Variants in MAGI2 observed in about 807,000 individuals in gnomAD.
The protein encoded by MAGI2 is membrane associated guanylate kinase, WW and PDZ domain containing 2.
Under a neutral mutation model 133.3 loss-of-function variants are expected in MAGI2, and 35 were observed. The observed-to-expected ratio is 0.26, with a 90% CI of 0.20 to 0.35. The LOEUF is 0.35. MAGI2 is among the 10% of genes least tolerant of loss of function. The pLI is 1.00. For missense variants in MAGI2, 1,636 were observed against 1,863.4 expected, an observed-to-expected ratio of 0.88 and a Z score of 2.25; for synonymous variants, 729 against 710.6, an observed-to-expected ratio of 1.03 and a Z score of -0.41.
At chr7:78,611,997 A>G (rs990255851) in intron 3 of MAGI2, among the ~76,000 whole-genome samples, 21 of 152,144 alleles carry the variant, frequency 1.4e-4, no homozygotes, top group Admixed American at 1.0e-3. Flanking sequence ...TCCAAATTTG[A>G]TACCACTGTT....
chr7:78,449,138 G>A (rs1788457711), intron 6 of MAGI2, among the ~76,000 whole-genome samples: 1 of 151,950 alleles, frequency 6.6e-6, no homozygotes, highest in Non-Finnish European at 1.5e-5. Flanking sequence ...ACTATCATTG[G>A]CACCTTGCTT....
intron 3 of MAGI2, among the ~76,000 whole-genome samples, chr7:78,573,314 A>ATATATATATT (rs1563189204): frequency 3.6e-4 from 17 of 47,762 alleles, no homozygotes; most frequent in African/African-American, 1.3e-3. Context: ...ATATATATAA[A>ATATATATATT]TATATAAATA....
intron 2 of MAGI2, among the ~76,000 whole-genome samples, chr7:78,703,335 T>G (rs1023576320): frequency 5.9e-5 from 9 of 152,080 alleles, no homozygotes; most frequent in Non-Finnish European, 2.9e-5. Context: ...AATTCCAAGT[T>G]GTATCTAGTT....
At chr7:79,115,924 C>A (rs536550958) in intron 1 of MAGI2, among the ~76,000 whole-genome samples, 1 of 130,530 alleles carries the variant, frequency 7.7e-6, no homozygotes, top group South Asian at 2.5e-4. Flanking sequence ...GATCTACTTG[C>A]AGGTCTTAAC....
chr7:78,737,861 T>C (rs982242517), intron 2 of MAGI2, among the ~76,000 whole-genome samples: 6 of 152,106 alleles, frequency 3.9e-5, no homozygotes, highest in Admixed American at 2.6e-4. Context: ...TTTGGGGTCC[T>C]CATAATTTTT....
intron 2 of MAGI2, among the ~76,000 whole-genome samples, chr7:78,706,147 TC>T (rs34897938): frequency 0.09 from 13,666 of 151,336 alleles, 1,009 homozygotes; most frequent in East Asian, 0.42. Flanking sequence ...TTTGGCTGTG[TC>T]CCCCCCCAAA....
intron 1 of MAGI2, among the ~76,000 whole-genome samples, chr7:79,323,024 G>T (rs1323978270): frequency 6.6e-6 from 1 of 152,012 alleles, no homozygotes; most frequent in Non-Finnish European, 1.5e-5. Context: ...TTTTTGTAGT[G>T]ACAGGGTCTC....
At chr7:78,026,449 A>G (rs1313582474) in intron 21 of MAGI2, among the ~76,000 whole-genome samples, 1 of 152,220 alleles carries the variant, frequency 6.6e-6, no homozygotes, top group Middle Eastern at 3.2e-3. Flanking sequence ...TTTGTGCAGA[A>G]GAGGAAAGCA....
At chr7:79,046,814 A>G (rs1363671275) in intron 1 of MAGI2, among the ~76,000 whole-genome samples, 1 of 152,198 alleles carries the variant, frequency 6.6e-6, no homozygotes, top group Non-Finnish European at 1.5e-5. Context: ...ACTTAGTACC[A>G]AATATTTTCT....
intron 2 of MAGI2, among the ~76,000 whole-genome samples, chr7:78,676,733 T>C (rs1442682276): frequency 6.6e-6 from 1 of 152,136 alleles, no homozygotes; most frequent in Non-Finnish European, 1.5e-5. Context: ...TAATCATACC[T>C]AGTATCTTTA....
chr7:78,198,448 T>TC (rs1175578821), intron 11 of MAGI2, among the ~76,000 whole-genome samples: 16 of 142,946 alleles, frequency 1.1e-4, no homozygotes, highest in African/African-American at 3.3e-4. Flanking sequence ...TTTTTTTTTT[T>TC]CGAGACATGG....
At chr7:78,067,067 G>A (rs1813910903) in intron 21 of MAGI2, among the ~76,000 whole-genome samples, 1 of 152,166 alleles carries the variant, frequency 6.6e-6, no homozygotes, top group African/African-American at 2.4e-5. Context: ...AACACCTCGA[G>A]GTTAAATGGA....
chr7:79,172,142 G>A (rs1825681868), intron 1 of MAGI2, among the ~76,000 whole-genome samples: 1 of 151,982 alleles, frequency 6.6e-6, no homozygotes, highest in Admixed American at 6.6e-5. Context: ...AAAGGAAAAT[G>A]TTTGAATTTA....
At chr7:79,221,930 A>G (rs997508582) in intron 1 of MAGI2, among the ~76,000 whole-genome samples, 3 of 152,042 alleles carry the variant, frequency 2.0e-5, no homozygotes, top group African/African-American at 7.3e-5. Context: ...TCCAGTGTTC[A>G]AAATTAAAGA....
intron 1 of MAGI2, among the ~76,000 whole-genome samples, chr7:79,293,539 A>G (rs1345412466): frequency 2.0e-5 from 3 of 152,202 alleles, no homozygotes; most frequent in Non-Finnish European, 4.4e-5. Context: ...AGTGATAAGT[A>G]TAACAATGGT....
chr7:79,078,429 G>A (rs1028284702), intron 1 of MAGI2, among the ~76,000 whole-genome samples: 18 of 152,084 alleles, frequency 1.2e-4, no homozygotes, highest in African/African-American at 4.3e-4. Context: ...TACACTCCAG[G>A]CTCAGGAATG....
chr7:78,781,435 A>G (rs189788651), intron 2 of MAGI2, among the ~76,000 whole-genome samples: 5 of 151,826 alleles, frequency 3.3e-5, no homozygotes. Context: ...AGAGCCTACT[A>G]TGTAAAAAAA....
At chr7:79,196,276 T>C (rs543566555) in intron 1 of MAGI2, among the ~76,000 whole-genome samples, 1 of 152,018 alleles carries the variant, frequency 6.6e-6, no homozygotes, top group East Asian at 1.9e-4. Flanking sequence ...AAAATGAAAC[T>C]GAAAAAGTTA....
intron 1 of MAGI2, among the ~76,000 whole-genome samples, chr7:79,235,371 T>C (rs1362800375): frequency 6.6e-6 from 1 of 152,124 alleles, no homozygotes; most frequent in South Asian, 2.1e-4. Flanking sequence ...GCCTGGGCAA[T>C]GGCGGGCGCC....
Sources: gnomAD v4.1 joint callset for allele counts (sites outside exome capture counted in the v4.1 genomes callset) on GRCh38, gnomAD v4.1.1 for gene constraint, MANE v1.5 for transcripts, NCBI Gene and HGNC (gene_info 2026-07-23, HGNC 2026-07-21) for gene names.